The following KSR1 variants were observed in gnomAD, a reference collection of about 807,000 sequenced individuals.
The protein encoded by KSR1 is kinase suppressor of ras.
In KSR1, 35 loss-of-function variants were observed where a neutral mutation model predicts 92.9. The observed-to-expected ratio is 0.38, with a 90% CI of 0.29 to 0.50. The LOEUF (loss-of-function observed/expected upper bound fraction) is 0.50, where lower values mean the gene tolerates loss of function less well. Ranked by LOEUF, KSR1 falls within the 20% of genes least tolerant of loss-of-function variation. KSR1 has a pLI of 0.94. For missense variants in KSR1, 972 were observed against 1,158.5 expected (o/e 0.84, Z 2.34); for synonymous variants, 467 against 472.6 (o/e 0.99, Z 0.15).
At position 27,582,671 on chromosome 17, in the gene KSR1, T is replaced by C; in HGVS notation, c.546T>C (p.Ser182=). 1 of 1,611,950 alleles carries C rather than the reference T, an allele frequency of 6.2e-7. No individual in the cohort carries two copies. The highest frequency in any genetic ancestry group is 1.1e-5 in the South Asian group (1 of 90,900). Residue 182 remains serine, a synonymous_variant, in exon 4 of 21, where the codon AGT becomes AGC. Coordinates refer to ENST00000644974, the MANE Select transcript of KSR1 (RefSeq NM_001394583.1). ...GLGGEHKEDS[S]WSSLDARRES... ...GAGGGGAGCACAAGGAGGACTCCAG[T>C]TGGAGTTCATTGGATGCGCGGCGGG...
chr17:27,571,586 T>G (rs2072309965), intron 2 of KSR1, among the ~76,000 whole-genome samples: 1 of 152,222 alleles, frequency 6.6e-6, no homozygotes, highest in African/African-American at 2.4e-5. Flanking sequence ...GACCAGTTCC[T>G]GGGGAAAGGT....
chr17:27,580,233 A>G (rs1395479213), intron 3 of KSR1, among the ~76,000 whole-genome samples: 1 of 152,158 alleles, frequency 6.6e-6, no homozygotes. Flanking sequence ...CATCTGCTCA[A>G]TAAGAAACCT....
At chr17:27,561,884 C>CG (rs2151115841) in intron 2 of KSR1, among the ~76,000 whole-genome samples, 1 of 152,214 alleles carries the variant, frequency 6.6e-6, no homozygotes, top group East Asian at 1.9e-4. Context: ...CTCGCTCTGT[C>CG]GCCCAGGCTG....
intron 1 of KSR1, among the ~76,000 whole-genome samples, chr17:27,517,089 A>T (rs1247741485): frequency 2.6e-5 from 4 of 152,254 alleles, no homozygotes; most frequent in Non-Finnish European, 5.9e-5. Context: ...AGAAATTTAC[A>T]TTCTGTAGAG....
chr17:27,526,094 T>TTCTTTCTTTCTTTCTCTCTCTCTC (rs55706224), intron 1 of KSR1, among the ~76,000 whole-genome samples: 1 of 118,478 alleles, frequency 8.4e-6, no homozygotes, highest in Non-Finnish European at 1.7e-5. Context: ...CTTTCTTTCT[T>TTCTTTCTTTCTTTCTCTCTCTCTC]TCTCTCTCTC....
intron 1 of KSR1, among the ~76,000 whole-genome samples, chr17:27,512,253 G>T (rs1223764423): frequency 6.6e-6 from 1 of 152,226 alleles, no homozygotes; most frequent in Non-Finnish European, 1.5e-5. Flanking sequence ...AGGAGCTTAT[G>T]ATTTTGGCTT....
chr17:27,613,363 T>C (rs2073972550), intron 18 of KSR1: 1 of 152,260 alleles, frequency 6.6e-6, no homozygotes, highest in Non-Finnish European at 1.5e-5. Context: ...AAATTAGGCA[T>C]GCGGACACAT....
At chr17:27,569,838 A>G (rs1249471950) in intron 2 of KSR1, among the ~76,000 whole-genome samples, 1 of 152,200 alleles carries the variant, frequency 6.6e-6, no homozygotes, top group African/African-American at 2.4e-5. Flanking sequence ...CTATTCTCAC[A>G]CTATGTATTA....
chr17:27,460,714 C>T (rs1293693223), intron 1 of KSR1, among the ~76,000 whole-genome samples: 6 of 152,132 alleles, frequency 3.9e-5, no homozygotes, highest in Non-Finnish European at 5.9e-5. Context: ...AGAGTCCCAC[C>T]GTGTGGGGGA....
intron 18 of KSR1, among the ~76,000 whole-genome samples, chr17:27,611,998 T>C (rs937202853): frequency 6.6e-6 from 1 of 152,196 alleles, no homozygotes; most frequent in African/African-American, 2.4e-5. Context: ...CAAATAGTTG[T>C]GCTATGCTGT....
At position 27,609,990 on chromosome 17, in the gene KSR1, G is replaced by A; in HGVS notation, c.2226-77G>A. ...TGTGTGGGTGTTCTGCCGGCCCTGG[G>A]GCAGACCTGTGCCAGGCAGGCCTCT... On this transcript the variant is annotated intron_variant, in intron 16 of 20. Transcript: ENST00000644974. 3.8e-6 allele frequency: 6 copies of A among 1,578,690 alleles called. No homozygotes were observed. The South Asian group carries it at 4.7e-5, about 12-fold the overall frequency.
At chr17:27,499,267 T>G (rs2069095514) in intron 1 of KSR1, among the ~76,000 whole-genome samples, 1 of 152,166 alleles carries the variant, frequency 6.6e-6, no homozygotes, top group Admixed American at 6.5e-5. Context: ...AAGAGGGAAC[T>G]GAGGCAGAAA....
chr17:27,554,427 C>T (rs555231489), intron 2 of KSR1, among the ~76,000 whole-genome samples: 4 of 152,340 alleles, frequency 2.6e-5, no homozygotes, highest in African/African-American at 9.6e-5. Flanking sequence ...AGTTGCTCCC[C>T]ATTGCTCGCA....
In KSR1 at chr17:27,577,886, TC is replaced by T; in HGVS notation, c.520+248del. ...GCCATGGTTAGAAATCCCAGGCCTG[TC>T]TGCTGGGCTGGGCTGGCCTGGCATG... On this transcript the variant is annotated intron_variant, in intron 3 of 20. Transcript: ENST00000644974. The surrounding 1 kb of genome is among the most constrained non-coding windows in gnomAD (Gnocchi z 4.5). 1.6e-6 allele frequency: 1 copy of T among 639,974 alleles called. No homozygotes were observed. Among genetic ancestry groups the T allele is most frequent in the Middle Eastern group, 2.6e-4 (1 of 3,786 alleles). The allele number at this position is 639,974 out of a possible 1,614,324, so 39.6% of individuals were successfully genotyped here.
rs2072562952 is a variant in KSR1, at chr17:27,577,602, G to A, written c.483G>A (p.Gln161=). The change falls in exon 3 of 21, where the codon CAG becomes CAA. Residue 161 remains glutamine, a synonymous_variant. Coordinates refer to ENST00000644974, the MANE Select transcript of KSR1 (RefSeq NM_001394583.1). This position sits in a 1 kb window ranked among gnomAD's most constrained non-coding sequence, Gnocchi z 4.5. ...GASGDECGRL[Q]YALTCLRKVT... ...GCGGGGATGAGTGTGGCCGTCTGCA[G>A]TATGCCCTCACCTGCCTGCGGAAGG... 1 of 1,596,714 alleles carries A rather than the reference G, an allele frequency of 6.3e-7. No individual in the cohort carries two copies. The highest frequency in any genetic ancestry group is 1.3e-5 in the African/African-American group (1 of 74,772).
chr17:27,515,164 T>G (rs2069741050), intron 1 of KSR1, among the ~76,000 whole-genome samples: 1 of 152,252 alleles, frequency 6.6e-6, no homozygotes, highest in African/African-American at 2.4e-5. Flanking sequence ...GAATTTATAT[T>G]CAGTAACTGA....
intron 1 of KSR1, among the ~76,000 whole-genome samples, chr17:27,474,954 G>A (rs2068294457): frequency 6.6e-6 from 1 of 152,188 alleles, no homozygotes; most frequent in Non-Finnish European, 1.5e-5. Flanking sequence ...TATCTGTTAA[G>A]TGGTAAAAGT....
rs767244579 is a variant in KSR1, at chr17:27,611,515, A to AG, written c.2380dup (p.Ala794GlyfsTer39). 2.5e-6 allele frequency: 4 copies of AG among 1,613,894 alleles called. No individual in the cohort carries two copies. The highest frequency in any genetic ancestry group is 3.4e-6 in the Non-Finnish European group (4 of 1,179,788). On this transcript the variant is annotated frameshift_variant, in exon 18 of 21. Coordinates refer to ENST00000644974, the MANE Select transcript of KSR1 (RefSeq NM_001394583.1). LOFTEE classifies it high-confidence loss of function. ...GCAGGACTGTTTGGTATGAGCTGCA[A>AG]GCAAGAGACTGGCCCTTGAAGAACC... is the stretch of plus-strand genomic sequence containing the variant.
Position 27,515,622 on chromosome 17 carries a change from T to G in KSR1, c.232-34946T>G, listed in dbSNP as rs906479114. Among the ~76,000 whole-genome samples, 57 of 151,558 alleles carry G rather than the reference T, an allele frequency of 3.8e-4. 2 individuals are homozygous for G. The highest frequency in any genetic ancestry group is 1.3e-4 in the Admixed American group (2 of 15,236). Reference sequence around the variant, plus strand: ...GGGTCTGCTTCGTAGTTTTTTTTTTTTTTTTTTTTTCATTTATTCCATTAT... The same window carrying G: ...GGGTCTGCTTCGTAGTTTTTTTTTTGTTTTTTTTTTCATTTATTCCATTAT... On this transcript the variant is annotated intron_variant, in intron 1 of 20. Transcript: ENST00000644974.
Sources: allele counts gnomAD v4.1 joint callset (sites outside exome capture counted in the v4.1 genomes callset), GRCh38; gene constraint gnomAD v4.1.1; non-coding constraint Gnocchi (gnomAD v3.1); transcripts MANE v1.5; gene names NCBI Gene and HGNC (gene_info 2026-07-23, HGNC 2026-07-21).